DNAJC15: variants seen among roughly 807,000 people sequenced by gnomAD.
DNAJC15 encodes DnaJ heat shock protein family (Hsp40) member C15, also known as dnaJ homolog subfamily C member 15.
A neutral mutation model predicts 22.4 loss-of-function variants in DNAJC15; 27 were observed. That is an observed-to-expected ratio of 1.20 (90% CI 0.89 to 1.66). DNAJC15 has a LOEUF of 1.66. DNAJC15 is among the 40% of genes most tolerant of loss of function. The pLI is 0.00. For missense variants in DNAJC15, 208 were observed against 187.1 expected, an observed-to-expected ratio of 1.11 and a Z score of -0.65; for synonymous variants, 79 against 63.2, an observed-to-expected ratio of 1.25 and a Z score of -1.19.
intron 5 of DNAJC15, among the ~76,000 whole-genome samples, chr13:43,103,780 TTC>T (rs1441690890): frequency 6.6e-6 from 1 of 152,200 alleles, no homozygotes; most frequent in African/African-American, 2.4e-5. Context: ...TTCCTTTTGG[TTC>T]TCTCCTTTTT....
chr13:43,106,097 C>T (rs1390229819), intron 5 of DNAJC15, among the ~76,000 whole-genome samples: 3 of 152,084 alleles, frequency 2.0e-5, no homozygotes, highest in Non-Finnish European at 2.9e-5. Flanking sequence ...CCTTCATAAG[C>T]TGGGTGGTAT....
intron 5 of DNAJC15, among the ~76,000 whole-genome samples, chr13:43,100,799 T>C (rs1191399840): frequency 6.6e-6 from 1 of 152,214 alleles, no homozygotes; most frequent in Non-Finnish European, 1.5e-5. Context: ...TAGTATTAAG[T>C]CTTCTGTTTC....
chr13:43,106,973 GT>G (rs201108624), intron 5 of DNAJC15, among the ~76,000 whole-genome samples: 6 of 150,776 alleles, frequency 4.0e-5, no homozygotes, highest in Admixed American at 1.3e-4. Context: ...TTTCTCAGAG[GT>G]TTTTTTTTAT....
In DNAJC15 at chr13:43,076,016, A is replaced by G. The variant is rs1223299367; in HGVS notation, c.235-2596A>G. On this transcript the variant is annotated intron_variant, in intron 3 of 5. Transcript: ENST00000379221. ...TGTATTTCTCTCTCTATCTCTCTTT[A>G]TATATGTGCATACTCTCTATGTATG... Among the ~76,000 whole-genome samples, 6 of 151,974 alleles carry G rather than the reference A, an allele frequency of 3.9e-5. No individual in the cohort carries two copies. In the East Asian group the frequency reaches 1.2e-3, roughly 29 times the overall value.
intron 5 of DNAJC15, among the ~76,000 whole-genome samples, chr13:43,088,838 G>A (rs1413876021): frequency 8.6e-5 from 6 of 69,546 alleles, no homozygotes; most frequent in African/African-American, 4.9e-4. Flanking sequence ...TAATTAACTT[G>A]GTTTTTTTTT....
chr13:43,058,165 T>C (rs181516648), intron 1 of DNAJC15, among the ~76,000 whole-genome samples: 154 of 151,962 alleles, frequency 1.0e-3, no homozygotes, highest in African/African-American at 3.5e-3. Context: ...TTTCTTAGAG[T>C]GTGGTTGTTC....
At position 43,113,407 on chromosome 13, in the gene DNAJC15, T is replaced by G. The variant is rs1219751792; in HGVS notation, c.*6159T>G. 6.6e-6 allele frequency: 1 copy of G among 152,202 alleles called. No homozygotes were observed. Among genetic ancestry groups the G allele is most frequent in the African/African-American group, 2.4e-5 (1 of 41,450 alleles). The allele number at this position is 152,202 out of a possible 1,614,324, so 9.4% of individuals were successfully genotyped here. On this transcript the variant is annotated 3_prime_UTR_variant, in exon 6 of 6. Transcript: ENST00000379221. ...CCATGCCATACTTTTTTTGCCAAAT[T>G]CCAAAATTGTGTATAGTTCTATAGT... is the stretch of plus-strand genomic sequence containing the variant.
At position 43,107,382 on chromosome 13, in the gene DNAJC15, C is replaced by A; in HGVS notation, c.*134C>A. On this transcript the variant is annotated 3_prime_UTR_variant, in exon 6 of 6. Transcript: ENST00000379221. ...CACAGTCTTATCTTCCACCATTAAG[C>A]TGTATAACAATAAAATGTTAATAGT... 1.7e-6 allele frequency: 1 copy of A among 581,846 alleles called. No individual in the cohort carries two copies. Among genetic ancestry groups the A allele is most frequent in the Non-Finnish European group, 2.7e-6 (1 of 369,686 alleles). The allele number at this position is 581,846 out of a possible 1,614,324, so 36.0% of individuals were successfully genotyped here. A position where few individuals can be genotyped will look rare whatever the true frequency, so the allele number is the denominator to read the frequency against.
intron 1 of DNAJC15, among the ~76,000 whole-genome samples, chr13:43,056,858 TGGA>T (rs2040534015): frequency 6.6e-6 from 1 of 152,236 alleles, no homozygotes; most frequent in Non-Finnish European, 1.5e-5. Context: ...TCCATTGTCA[TGGA>T]ATACCTTTTG....
chr13:43,081,229 G>A (rs2040660051), intron 4 of DNAJC15, among the ~76,000 whole-genome samples: 1 of 152,050 alleles, frequency 6.6e-6, no homozygotes, highest in Non-Finnish European at 1.5e-5. Context: ...TTTATACCTG[G>A]TATAGTAAGT....
chr13:43,042,757 T>C (rs569739176), intron 1 of DNAJC15, among the ~76,000 whole-genome samples: 1 of 152,358 alleles, frequency 6.6e-6, no homozygotes, highest in East Asian at 1.9e-4. Context: ...AATTTTGTTC[T>C]TAAATCCTTG....
chr13:43,070,455 A>T (rs558414839), intron 3 of DNAJC15, among the ~76,000 whole-genome samples: 4 of 135,412 alleles, frequency 3.0e-5, no homozygotes, highest in African/African-American at 1.1e-4. Flanking sequence ...GACACAGTGT[A>T]AAAAAAAAAA....
At chr13:43,097,711 G>A (rs543679406) in intron 5 of DNAJC15, among the ~76,000 whole-genome samples, 1 of 152,282 alleles carries the variant, frequency 6.6e-6, no homozygotes, top group South Asian at 2.1e-4. Flanking sequence ...GCTGAGGCGG[G>A]GAGATCACCT....
chr13:43,103,149 A>G (rs1333133722), intron 5 of DNAJC15, among the ~76,000 whole-genome samples: 2 of 152,102 alleles, frequency 1.3e-5, no homozygotes, highest in East Asian at 1.9e-4. Context: ...TCCTTGACGC[A>G]TGAGTTATTT....
At chr13:43,075,282 CTA>C (rs1284484520) in intron 3 of DNAJC15, among the ~76,000 whole-genome samples, 8 of 152,288 alleles carry the variant, frequency 5.3e-5, no homozygotes, top group South Asian at 4.1e-4. Flanking sequence ...TTCTGAAACT[CTA>C]TGTCTACCTG....
intron 1 of DNAJC15, among the ~76,000 whole-genome samples, chr13:43,039,514 A>T (rs950695685): frequency 1.3e-5 from 2 of 152,178 alleles, no homozygotes; most frequent in Admixed American, 6.5e-5. Context: ...TAGGAGTCTC[A>T]GGGGGTGGAG....
intron 2 of DNAJC15, among the ~76,000 whole-genome samples, chr13:43,066,465 C>G (rs866800420): frequency 6.6e-6 from 1 of 152,168 alleles, no homozygotes; most frequent in Non-Finnish European, 1.5e-5. Context: ...TGTGATTACA[C>G]TGGGCCCACC....
intron 1 of DNAJC15, among the ~76,000 whole-genome samples, chr13:43,034,305 CTTTTTTTT>C (rs753362468): frequency 6.6e-5 from 4 of 60,618 alleles, no homozygotes; most frequent in Non-Finnish European, 1.2e-4. Flanking sequence ...GAGATTTGTC[CTTTTTTTT>C]TTTTTTTTTT....
chr13:43,033,959 C>T (rs1442530521), intron 1 of DNAJC15, among the ~76,000 whole-genome samples: 3 of 146,524 alleles, frequency 2.0e-5, no homozygotes, highest in African/African-American at 7.7e-5. Flanking sequence ...TCCTGGGAGG[C>T]GGAGGTTGCA....
Sources: allele counts gnomAD v4.1 joint callset (sites outside exome capture counted in the v4.1 genomes callset), GRCh38; gene constraint gnomAD v4.1.1; transcripts MANE v1.5; gene names NCBI Gene and HGNC (gene_info 2026-07-23, HGNC 2026-07-21).